Variants in FBLN5 observed in about 807,000 individuals in gnomAD.
FBLN5 encodes the protein fibulin-5.
In FBLN5, 24 loss-of-function variants were observed where a neutral mutation model predicts 61.6. The ratio of observed to expected loss-of-function variants is 0.39; its 90% CI spans 0.28 to 0.55. FBLN5 has a LOEUF of 0.55. Among genes scored for constraint, FBLN5 ranks in the 20% least tolerant of loss-of-function variants. The pLI, the probability that FBLN5 is intolerant of heterozygous loss-of-function variation, is 0.65. For missense variants in FBLN5, 470 were observed against 594.1 expected (o/e 0.79, Z 2.17); for synonymous variants, 213 against 219.8 (o/e 0.97, Z 0.27).
chr14:91,886,064 T>C (rs1238007491), intron 7 of FBLN5, among the ~76,000 whole-genome samples: 2 of 152,236 alleles, frequency 1.3e-5, no homozygotes, highest in East Asian at 3.8e-4. Flanking sequence ...CAGTTGTCAG[T>C]GAGACTATCA....
In FBLN5 at chr14:91,947,253, T is replaced by C. The variant is rs1229257521; in HGVS notation, c.-24A>G. 2.5e-6 allele frequency: 4 copies of C among 1,613,886 alleles called. No individual in the cohort carries two copies. Among genetic ancestry groups the C allele is most frequent in the East Asian group, 4.5e-5 (2 of 44,858 alleles). ...ATGTCCAAGACGCGCGAGGAGGAGA[T>C]GCGAAGGCGAGAAGAAAGCTCGCGG... On this transcript the variant is annotated 5_prime_UTR_variant, in exon 1 of 11. Transcript: ENST00000342058. The surrounding 1 kb of genome is among the most constrained non-coding windows in gnomAD (Gnocchi z 4.3).
intron 10 of FBLN5, among the ~76,000 whole-genome samples, chr14:91,873,182 T>C (rs986034061): frequency 6.6e-6 from 1 of 152,186 alleles, no homozygotes; most frequent in African/African-American, 2.4e-5. Flanking sequence ...ATTCGGCTTT[T>C]AGGGCAGAGC....
intron 4 of FBLN5, among the ~76,000 whole-genome samples, chr14:91,926,445 G>A (rs962131416): frequency 6.6e-5 from 10 of 152,278 alleles, no homozygotes; most frequent in African/African-American, 2.2e-4. Flanking sequence ...CAGCCCAACG[G>A]ATAGGAGAAC....
intron 9 of FBLN5, among the ~76,000 whole-genome samples, chr14:91,879,547 T>C (rs1045755527): frequency 7.1e-6 from 1 of 141,344 alleles, no homozygotes; most frequent in Non-Finnish European, 1.5e-5. Context: ...CAAGCTGAAA[T>C]GGGTCAGCTC....
intron 2 of FBLN5, among the ~76,000 whole-genome samples, chr14:91,941,794 C>T (rs72705370): frequency 0.048 from 7,252 of 151,952 alleles, 244 homozygotes; most frequent in Middle Eastern, 0.11. Context: ...GGGGTATGTA[C>T]GTAGTTCAAA....
Position 91,883,664 on chromosome 14 carries a change from A to AAAAAAC in FBLN5, c.740-589_740-588insGTTTTT, listed in dbSNP as rs758858453. Among the ~76,000 whole-genome samples, 265 of 148,402 alleles carry AAAAAAC rather than the reference A, an allele frequency of 1.8e-3. 2 individuals are homozygous for AAAAAAC. Among genetic ancestry groups the AAAAAAC allele is most frequent in the African/African-American group, 6.3e-3 (249 of 39,676 alleles). On this transcript the variant is annotated intron_variant, in intron 7 of 10. Transcript: ENST00000342058. The stretch of plus-strand genomic sequence containing the variant: ...ACTGTGTAAAAAAAAAAACAAAAAA[A>AAAAAAC]ACACACACACACAAAAACAAAAACA...
In FBLN5 at chr14:91,942,363, C is replaced by T. The variant is rs1050555360; in HGVS notation, c.72+544G>A. 5.9e-5 allele frequency among the ~76,000 whole-genome samples: 9 copies of T among 152,246 alleles called. 1 individual carries two copies. Among genetic ancestry groups the T allele is most frequent in the Admixed American group, 3.3e-4 (5 of 15,284 alleles). ...TGTTTGGGTAACACCCACTTCCTCT[C>T]CCACCTCCTCCAGGAGGGGTGTGTC... On this transcript the variant is annotated intron_variant, in intron 2 of 10. Transcript: ENST00000342058.
At position 91,940,588 on chromosome 14, in the gene FBLN5, T is replaced by A; in HGVS notation, c.101A>T (p.Asp34Val). ...QAQCTNGFDLDRQSGQCLDID... is the reference protein window; with the variant it reads ...QAQCTNGFDLVRQSGQCLDID... Reference sequence around the variant, plus strand: ...ACCTAAACACTGTCCTGACTGGCGATCCAGGTCAAAGCCATTCGTGCACTG... The same window carrying A: ...ACCTAAACACTGTCCTGACTGGCGAACCAGGTCAAAGCCATTCGTGCACTG... Residue 34 changes from aspartate to valine, a missense_variant, in exon 3 of 11, where the codon GAT becomes GTT. Asp to Val is a radical substitution (Grantham distance 152). Transcript: ENST00000342058. 1 of 1,614,064 alleles carries A rather than the reference T, an allele frequency of 6.2e-7. No homozygotes were observed. Among genetic ancestry groups the A allele is most frequent in the Non-Finnish European group, 8.5e-7 (1 of 1,179,986 alleles).
At chr14:91,880,502 G>A (rs1046039011) in intron 9 of FBLN5, among the ~76,000 whole-genome samples, 2 of 150,898 alleles carry the variant, frequency 1.3e-5, no homozygotes, top group African/African-American at 2.4e-5. Flanking sequence ...CGGAGTGATA[G>A]AGAACTCTGT....
At position 91,898,927 on chromosome 14, in the gene FBLN5, G is replaced by C. The variant is rs574804856; in HGVS notation, c.380-3855C>G. 3.4e-5 allele frequency among the ~76,000 whole-genome samples: 5 copies of C among 147,762 alleles called. No individual in the cohort carries two copies. In the East Asian group the frequency reaches 1.0e-3, roughly 31 times the overall value. On this transcript the variant is annotated intron_variant, in intron 4 of 10. Coordinates refer to ENST00000342058, the MANE Select transcript of FBLN5 (RefSeq NM_006329.4). ...CACCACTCTTCTGCCTCAGCCTCCC[G>C]AGTAGCTGGGACTACAGGTGCCCAC...
intron 10 of FBLN5, among the ~76,000 whole-genome samples, chr14:91,870,810 C>G (rs879826837): frequency 2.0e-5 from 3 of 152,154 alleles, no homozygotes; most frequent in Admixed American, 6.5e-5. Context: ...CCCCTAGAAG[C>G]CAGCATGGTG....
intron 4 of FBLN5, 62 bp from the exon 5 acceptor site, chr14:91,895,134 A>G: frequency 6.2e-7 from 1 of 1,604,772 alleles, no homozygotes; most frequent in Non-Finnish European, 8.5e-7. Context: ...TGGAGCCACC[A>G]GGGGTGCCAG....
intron 4 of FBLN5, among the ~76,000 whole-genome samples, chr14:91,935,163 A>AGAGCCAT (rs2055992334): frequency 6.6e-6 from 1 of 152,258 alleles, no homozygotes; most frequent in African/African-American, 2.4e-5. Flanking sequence ...TGACAGGTTC[A>AGAGCCAT]GAGCCATAAA....
At chr14:91,942,129 G>A (rs2056115055) in intron 2 of FBLN5, 1 of 455,852 alleles carries the variant, frequency 2.2e-6, no homozygotes, top group South Asian at 1.5e-5. Flanking sequence ...GTTTTCAGGA[G>A]GGATCTGCCC....
intron 4 of FBLN5, among the ~76,000 whole-genome samples, chr14:91,898,552 T>A (rs1890319255): frequency 6.6e-6 from 1 of 152,180 alleles, no homozygotes; most frequent in African/African-American, 2.4e-5. Flanking sequence ...TACATTTGAC[T>A]TAAATCACAG....
intron 4 of FBLN5, among the ~76,000 whole-genome samples, chr14:91,922,632 G>T (rs1347170103): frequency 2.0e-5 from 3 of 152,222 alleles, no homozygotes; most frequent in African/African-American, 7.2e-5. Context: ...AAAAGGATCT[G>T]TTGAGGAGGT....
rs1888826608 is a variant in FBLN5, at chr14:91,869,650, A to G, written c.*574T>C. On this transcript the variant is annotated 3_prime_UTR_variant, in exon 11 of 11. Transcript: ENST00000342058. ...CAGAATTAAACCGTTATACAAATTT[A>G]AGGACAACTGAAACTTCTTTTATGG... 1 of 160,190 alleles carries G rather than the reference A, an allele frequency of 6.2e-6. No individual in the cohort carries two copies. The highest frequency in any genetic ancestry group is 1.4e-5 in the Non-Finnish European group (1 of 72,410). 9.9% of individuals were successfully genotyped at this position (160,190 alleles called of 1,614,324 possible).
intron 10 of FBLN5, 124 bp downstream of exon 10, chr14:91,877,363 A>T: frequency 1.2e-6 from 1 of 813,122 alleles, no homozygotes; most frequent in Non-Finnish European, 2.1e-6. Context: ...CACACCCTCC[A>T]CTCTTCTCTC....
At chr14:91,887,973 T>G (rs1889805902) in intron 6 of FBLN5, among the ~76,000 whole-genome samples, 1 of 152,156 alleles carries the variant, frequency 6.6e-6, no homozygotes, top group Non-Finnish European at 1.5e-5. Context: ...CAGTTTATTA[T>G]ACACTGACTA....
Sources: allele counts gnomAD v4.1 joint callset (sites outside exome capture counted in the v4.1 genomes callset), GRCh38; gene constraint gnomAD v4.1.1; non-coding constraint Gnocchi (gnomAD v3.1); transcripts MANE v1.5; gene names NCBI Gene and HGNC (gene_info 2026-07-23, HGNC 2026-07-21).